Variants in SIL1 observed in about 807,000 individuals in gnomAD.
SIL1 encodes SIL1 nucleotide exchange factor.
A neutral mutation model predicts 49.1 loss-of-function variants in SIL1; 40 were observed. The observed-to-expected ratio is 0.81, with a 90% CI of 0.63 to 1.06. The LOEUF is 1.06. SIL1 is among the 50% of genes least tolerant of loss of function. The pLI is 0.00. For missense variants in SIL1, 500 were observed against 572.6 expected, an observed-to-expected ratio of 0.87 and a Z score of 1.29; for synonymous variants, 253 against 250.8, an observed-to-expected ratio of 1.01 and a Z score of -0.08.
At chr5:139,058,224 A>C (rs1223172100) in intron 3 of SIL1, among the ~76,000 whole-genome samples, 1 of 152,192 alleles carries the variant, frequency 6.6e-6, no homozygotes, top group African/African-American at 2.4e-5. Flanking sequence ...AAATCCATAG[A>C]AACCGTAGAT....
chr5:139,010,775 G>A lies in SIL1; in HGVS notation c.767+10396C>T, dbSNP rs1218676524. Reference sequence around the variant, plus strand: ...GGGGTGCCTCCCAGTTAGGCTGCTCGGGGGTCAGGGGTCAGGGACCCACTT... The same window carrying A: ...GGGGTGCCTCCCAGTTAGGCTGCTCAGGGGTCAGGGGTCAGGGACCCACTT... On this transcript the variant is annotated intron_variant, in intron 7 of 9. Coordinates refer to ENST00000394817, the MANE Select transcript of SIL1 (RefSeq NM_022464.5). 5.3e-5 allele frequency among the ~76,000 whole-genome samples: 8 copies of A among 152,098 alleles called. No homozygotes were observed. In the East Asian group the frequency reaches 5.8e-4, roughly 11 times the overall value.
intron 1 of SIL1, among the ~76,000 whole-genome samples, chr5:139,139,541 A>G (rs1012904982): frequency 6.6e-6 from 1 of 152,272 alleles, no homozygotes; most frequent in Middle Eastern, 3.2e-3. Flanking sequence ...AGATAATTTC[A>G]GCATTAATGT....
rs185423764 is a variant in SIL1, at chr5:139,188,442, G to C, written c.-11+9827C>G. Among the ~76,000 whole-genome samples the C allele has an allele frequency of 1.2e-3, 188 of 152,206 alleles. 2 individuals carry two copies. Among genetic ancestry groups the C allele is most frequent in the African/African-American group, 4.3e-3 (180 of 41,518 alleles). On this transcript the variant is annotated intron_variant, in intron 1 of 9. Coordinates refer to ENST00000394817, the MANE Select transcript of SIL1 (RefSeq NM_022464.5). ...ATAGTGAGTTTTTTTTACCTTATTT[G>C]TTTCATACAGAGAAGTGAGGCATGG...
At chr5:139,196,712 CAAAT>C (rs886870516) in intron 1 of SIL1, among the ~76,000 whole-genome samples, 9 of 152,106 alleles carry the variant, frequency 5.9e-5, no homozygotes, top group Non-Finnish European at 1.0e-4. Context: ...ATTCACTAAA[CAAAT>C]GAAAGAAAGG....
intron 7 of SIL1, among the ~76,000 whole-genome samples, chr5:138,998,586 T>C (rs1042118216): frequency 1.3e-5 from 2 of 152,168 alleles, no homozygotes; most frequent in Non-Finnish European, 2.9e-5. Context: ...TTTATAATCA[T>C]GATATAAGGC....
intron 1 of SIL1, among the ~76,000 whole-genome samples, chr5:139,150,329 C>T (rs1751271866): frequency 6.6e-6 from 1 of 152,172 alleles, no homozygotes; most frequent in African/African-American, 2.4e-5. Context: ...GTCTCATCCT[C>T]CTCCAGGACT....
At chr5:139,181,068 C>T (rs1333695494) in intron 1 of SIL1, among the ~76,000 whole-genome samples, 1 of 152,230 alleles carries the variant, frequency 6.6e-6, no homozygotes, top group Non-Finnish European at 1.5e-5. Flanking sequence ...ATAATGATAA[C>T]TATTATGCCA....
At chr5:138,965,848 G>T (rs1264626193) in intron 7 of SIL1, among the ~76,000 whole-genome samples, 1 of 151,546 alleles carries the variant, frequency 6.6e-6, no homozygotes. Flanking sequence ...CCAGGTTCCG[G>T]GACCATGAGA....
chr5:139,069,416 A>C (rs1769778771), intron 3 of SIL1, among the ~76,000 whole-genome samples: 1 of 152,174 alleles, frequency 6.6e-6, no homozygotes, highest in African/African-American at 2.4e-5. Flanking sequence ...AAGTTGGAAA[A>C]ACCAAACAGA....
chr5:138,980,115 A>G (rs142056233), intron 7 of SIL1, among the ~76,000 whole-genome samples: 1,680 of 152,362 alleles, frequency 0.011, 40 homozygotes, highest in African/African-American at 0.038. Flanking sequence ...GTGTGTCAGC[A>G]TGGCTGACAG....
At chr5:138,996,513 ATTT>A (rs140943492) in intron 7 of SIL1, among the ~76,000 whole-genome samples, 5 of 89,890 alleles carry the variant, frequency 5.6e-5, no homozygotes, top group Non-Finnish European at 1.0e-4. Context: ...TGCTGTGCAG[ATTT>A]TTTTTTTTTT....
intron 7 of SIL1, among the ~76,000 whole-genome samples, chr5:138,989,045 G>C (rs1767701130): frequency 6.6e-6 from 1 of 152,350 alleles, no homozygotes; most frequent in Non-Finnish European, 1.5e-5. Context: ...AGGCAGGGAA[G>C]CAGGGTAGCA....
chr5:139,031,291 T>C (rs1768787655), intron 5 of SIL1, among the ~76,000 whole-genome samples: 1 of 152,202 alleles, frequency 6.6e-6, no homozygotes, highest in South Asian at 2.1e-4. Context: ...TGATCTATTT[T>C]GAATTAATTT....
At chr5:139,045,109 C>T (rs1272206066) in intron 4 of SIL1, among the ~76,000 whole-genome samples, 3 of 152,112 alleles carry the variant, frequency 2.0e-5, no homozygotes, top group Non-Finnish European at 4.4e-5. Flanking sequence ...GTAATTCCGG[C>T]ACTTTGGGAG....
At chr5:139,066,886 T>A (rs1769718230) in intron 3 of SIL1, among the ~76,000 whole-genome samples, 1 of 152,128 alleles carries the variant, frequency 6.6e-6, no homozygotes, top group Non-Finnish European at 1.5e-5. Context: ...TGTATTTTTG[T>A]ACAGACAGGG....
intron 1 of SIL1, among the ~76,000 whole-genome samples, chr5:139,176,927 CTTTTT>C (rs70982757): frequency 4.2e-5 from 4 of 95,788 alleles, no homozygotes; most frequent in Non-Finnish European, 8.2e-5. Context: ...AGCTGAGATT[CTTTTT>C]TTTTTTTTTT....
At chr5:138,999,400 C>A (rs888112973) in intron 7 of SIL1, among the ~76,000 whole-genome samples, 3 of 152,162 alleles carry the variant, frequency 2.0e-5, no homozygotes, top group Non-Finnish European at 4.4e-5. Flanking sequence ...AGCCTGTAAT[C>A]TCAAAGCTTT....
chr5:139,067,476 A>G (rs2150469966), intron 3 of SIL1, among the ~76,000 whole-genome samples: 1 of 152,336 alleles, frequency 6.6e-6, no homozygotes, highest in African/African-American at 2.4e-5. Flanking sequence ...ACATTCAAGT[A>G]TTTCCTAGTT....
chr5:138,993,874 G>T (rs1246050666), intron 7 of SIL1, among the ~76,000 whole-genome samples: 3 of 152,216 alleles, frequency 2.0e-5, no homozygotes, highest in Non-Finnish European at 4.4e-5. Flanking sequence ...GTCACACTTG[G>T]ACTCCTGACC....
Sources: gnomAD v4.1 joint callset for allele counts (sites outside exome capture counted in the v4.1 genomes callset) on GRCh38, gnomAD v4.1.1 for gene constraint, MANE v1.5 for transcripts, NCBI Gene and HGNC (gene_info 2026-07-23, HGNC 2026-07-21) for gene names.